The following PTPRT variants were observed in gnomAD, a reference collection of about 807,000 sequenced individuals.
PTPRT encodes protein tyrosine phosphatase receptor type T, also known as receptor-type tyrosine-protein phosphatase T.
Under a neutral mutation model 176.8 loss-of-function variants are expected in PTPRT, and 56 were observed. That is an observed-to-expected ratio of 0.32 (90% confidence interval 0.26 to 0.40). The LOEUF (loss-of-function observed/expected upper bound fraction) is 0.40, where lower values mean the gene tolerates loss of function less well. Ranked by LOEUF, PTPRT falls within the 10% of genes least tolerant of loss-of-function variation. The pLI is 1.00. For synonymous variants in PTPRT, 783 were observed against 739.0 expected, an observed-to-expected ratio of 1.06 and a Z score of -0.96; for missense variants, 1,540 against 1,908.2, an observed-to-expected ratio of 0.81 and a Z score of 3.60.
chr20:42,923,087 C>T (rs1979261670), intron 1 of PTPRT, among the ~76,000 whole-genome samples: 1 of 152,124 alleles, frequency 6.6e-6, no homozygotes, highest in South Asian at 2.1e-4. Context: ...TCCACCCCTG[C>T]CCCATCACAC....
chr20:43,028,942 G>A (rs1986027885), intron 1 of PTPRT, among the ~76,000 whole-genome samples: 1 of 152,176 alleles, frequency 6.6e-6, no homozygotes, highest in African/African-American at 2.4e-5. Context: ...GCTTCTCAGA[G>A]TCAATTCTTT....
At chr20:43,176,409 G>A (rs1426752801) in intron 1 of PTPRT, among the ~76,000 whole-genome samples, 1 of 152,216 alleles carries the variant, frequency 6.6e-6, no homozygotes, top group Non-Finnish European at 1.5e-5. Context: ...CTTTTTAAAG[G>A]AATAACTGAA....
chr20:42,804,714 C>A (rs2077579928), intron 2 of PTPRT, among the ~76,000 whole-genome samples: 1 of 152,208 alleles, frequency 6.6e-6, no homozygotes, highest in Non-Finnish European at 1.5e-5. Flanking sequence ...GAATCTGTTC[C>A]ATGCCCTCCC....
rs564178147 is a variant in PTPRT at position 42,458,525 on chromosome 20, A to G, written c.1451-10196T>C. Among the ~76,000 whole-genome samples the G allele has an allele frequency of 1.2e-4, 18 of 152,302 alleles. No individual in the cohort carries two copies. In the East Asian group the frequency reaches 3.5e-3, roughly 29 times the overall value. On this transcript the variant is annotated intron_variant, in intron 8 of 30. Transcript: ENST00000373187. ...CAAAGTGCTTACCTAGGTGTCTGGC[A>G]CAAAGTAAATACTATGTTTGTCTGA...
At chr20:43,177,707 T>C (rs2015153751) in intron 1 of PTPRT, among the ~76,000 whole-genome samples, 1 of 152,186 alleles carries the variant, frequency 6.6e-6, no homozygotes, top group Admixed American at 6.5e-5. Context: ...ATATTTCGTA[T>C]GTGGGAAGAG....
At chr20:42,466,442 T>C (rs1039825851) in intron 8 of PTPRT, among the ~76,000 whole-genome samples, 1 of 152,198 alleles carries the variant, frequency 6.6e-6, no homozygotes, top group African/African-American at 2.4e-5. Context: ...AACTGAACTT[T>C]TGAACATAGT....
chr20:42,157,283 G>T (rs1044615802), intron 17 of PTPRT, among the ~76,000 whole-genome samples: 4 of 151,334 alleles, frequency 2.6e-5, no homozygotes, highest in Non-Finnish European at 5.9e-5. Flanking sequence ...TCCCTTCCTT[G>T]CTCTATTCTT....
chr20:42,876,709 G>A (rs181358430), intron 2 of PTPRT, among the ~76,000 whole-genome samples: 82 of 152,230 alleles, frequency 5.4e-4, no homozygotes, highest in African/African-American at 1.8e-3. Context: ...TTCCCAACAC[G>A]AATAACTTTA....
intron 2 of PTPRT, among the ~76,000 whole-genome samples, chr20:42,814,031 A>G (rs2077740647): frequency 6.6e-6 from 1 of 152,144 alleles, no homozygotes; most frequent in Non-Finnish European, 1.5e-5. Context: ...GAGAGAAAGG[A>G]TAATGATACC....
intron 16 of PTPRT, among the ~76,000 whole-genome samples, chr20:42,165,503 T>C (rs1036328810): frequency 6.6e-6 from 1 of 152,162 alleles, no homozygotes; most frequent in Non-Finnish European, 1.5e-5. Flanking sequence ...TCTCCAAGCA[T>C]TAGGCATTCA....
chr20:42,820,776 C>T (rs1402803060), intron 2 of PTPRT, among the ~76,000 whole-genome samples: 1 of 152,092 alleles, frequency 6.6e-6, no homozygotes, highest in Non-Finnish European at 1.5e-5. Context: ...TCAGAGAATA[C>T]TATAAAAACC....
intron 13 of PTPRT, among the ~76,000 whole-genome samples, chr20:42,253,576 T>A (rs1388300686): frequency 6.6e-6 from 1 of 152,084 alleles, no homozygotes; most frequent in Admixed American, 6.5e-5. Flanking sequence ...ATCTTCCTCA[T>A]CTTTACCCTC....
intron 6 of PTPRT, among the ~76,000 whole-genome samples, chr20:42,754,912 C>T (rs551748114): frequency 5.9e-5 from 9 of 152,246 alleles, no homozygotes; most frequent in African/African-American, 2.2e-4. Context: ...AACTGAGAAC[C>T]AGTGCCAGGC....
chr20:42,665,631 G>C (rs1181334100), intron 7 of PTPRT, among the ~76,000 whole-genome samples: 1 of 152,088 alleles, frequency 6.6e-6, no homozygotes, highest in Non-Finnish European at 1.5e-5. Context: ...CTGCTATAAA[G>C]ACACATGCAC....
intron 16 of PTPRT, among the ~76,000 whole-genome samples, chr20:42,181,591 T>C (rs917720130): frequency 6.6e-6 from 1 of 152,200 alleles, no homozygotes; most frequent in African/African-American, 2.4e-5. Context: ...CAGGTCCTCA[T>C]TGTCCCAGCA....
chr20:42,885,970 G>T, intron 1 of PTPRT, 38 bp from the exon 2 acceptor site: 1 of 1,539,218 alleles, frequency 6.5e-7, no homozygotes. Context: ...ACATTCCCGT[G>T]TCTGAGGCTT....
At chr20:42,682,339 C>T (rs1187454585) in intron 6 of PTPRT, among the ~76,000 whole-genome samples, 1 of 152,092 alleles carries the variant, frequency 6.6e-6, no homozygotes, top group African/African-American at 2.4e-5. Flanking sequence ...CCACTAATTA[C>T]CTGAAAGGGA....
At chr20:42,799,961 G>A (rs574472618) in intron 2 of PTPRT, among the ~76,000 whole-genome samples, 1 of 152,198 alleles carries the variant, frequency 6.6e-6, no homozygotes, top group South Asian at 2.1e-4. Context: ...GGGAAGGAAA[G>A]ATCTTTCTCC....
chr20:42,943,121 C>T (rs1980672199), intron 1 of PTPRT, among the ~76,000 whole-genome samples: 1 of 152,186 alleles, frequency 6.6e-6, no homozygotes, highest in Admixed American at 6.5e-5. Flanking sequence ...AAGAGTCTTT[C>T]AACAGGGGTT....
Sources: allele counts gnomAD v4.1 joint callset (sites outside exome capture counted in the v4.1 genomes callset), GRCh38; gene constraint gnomAD v4.1.1; transcripts MANE v1.5; gene names NCBI Gene and HGNC (gene_info 2026-07-23, HGNC 2026-07-21).